Variants in STAT3 observed in about 807,000 individuals in gnomAD.
The protein encoded by STAT3 is signal transducer and activator of transcription 3, also known as DNA-binding protein APRF.
Under a neutral mutation model 114.3 loss-of-function variants are expected in STAT3, and 7 were observed. The observed-to-expected ratio is 0.06, with a 90% CI of 0.03 to 0.11. The LOEUF (loss-of-function observed/expected upper bound fraction) is 0.11, where lower values mean the gene tolerates loss of function less well. STAT3 is among the 10% of genes least tolerant of loss of function. The pLI, the probability that STAT3 is intolerant of heterozygous loss-of-function variation, is 1.00. For synonymous variants in STAT3, 331 were observed against 354.5 expected, an observed-to-expected ratio of 0.93 and a Z score of 0.74; for missense variants, 364 against 960.9, an observed-to-expected ratio of 0.38 and a Z score of 8.21.
At position 42,314,241 on chromosome 17, in the gene STAT3, A is replaced by G. The variant is rs2081172674; in HGVS notation, c.*1504T>C. The G allele has an allele frequency of 4.3e-6, 1 of 232,902 alleles. No homozygotes were observed. The highest frequency in any genetic ancestry group is 8.5e-6 in the Non-Finnish European group (1 of 117,590). 14.4% of individuals were successfully genotyped at this position (232,902 alleles called of 1,614,324 possible). ...TAAGCCTTTGCCCTGCATGAACTGA[A>G]TGAAGACGCCATTACAAGTGCCACT... On this transcript the variant is annotated 3_prime_UTR_variant, in exon 24 of 24. Coordinates refer to ENST00000264657, the MANE Select transcript of STAT3 (RefSeq NM_139276.3).
At chr17:42,323,237 T>C in intron 19 of STAT3, 23 bp downstream of exon 19, 1 of 1,614,170 alleles carries the variant, frequency 6.2e-7, no homozygotes, top group South Asian at 1.1e-5. Context: ...TGGTTACATC[T>C]GTGCACACTC....
In STAT3 at chr17:42,358,933, C is replaced by CTTTTTTTTTTT. The variant is rs35099574; in HGVS notation, c.-23-10405_-23-10395dup. Among the ~76,000 whole-genome samples, 135 of 100,490 alleles carry CTTTTTTTTTTT rather than the reference C, an allele frequency of 1.3e-3. 3 individuals carry two copies. Among genetic ancestry groups the CTTTTTTTTTTT allele is most frequent in the East Asian group, 1.7e-3 (6 of 3,450 alleles). 65.9% of individuals were successfully genotyped at this position (100,490 alleles called of 152,430 possible). A position where few individuals can be genotyped will look rare whatever the true frequency, so the allele number is the denominator to read the frequency against. The stretch of plus-strand genomic sequence containing the variant: ...GTCTCCCTTTCATGGACATTTCTTA[C>CTTTTTTTTTTT]TTTTTTTTTTTTTTTTTTTGAGATG... On this transcript the variant is annotated intron_variant, in intron 1 of 23. Transcript: ENST00000264657.
intron 4 of STAT3, among the ~76,000 whole-genome samples, chr17:42,343,073 G>A (rs2144940533): frequency 6.6e-6 from 1 of 150,568 alleles, no homozygotes; most frequent in East Asian, 2.0e-4. Flanking sequence ...TCATAAGGCT[G>A]AGGCAGGAGG....
At chr17:42,373,880 G>A (rs1454702217) in intron 1 of STAT3, among the ~76,000 whole-genome samples, 21 of 122,496 alleles carry the variant, frequency 1.7e-4, no homozygotes, top group South Asian at 2.8e-4. Context: ...GCGAGACTCC[G>A]TCTCAAAAAA....
intron 1 of STAT3, among the ~76,000 whole-genome samples, chr17:42,350,195 C>T (rs1462734605): frequency 6.6e-6 from 1 of 152,184 alleles, no homozygotes; most frequent in African/African-American, 2.4e-5. Flanking sequence ...CGCAAACATA[C>T]TAGAGTTCTT....
chr17:42,317,529 C>G (rs2144626198), intron 21 of STAT3: 2 of 485,904 alleles, frequency 4.1e-6, no homozygotes, highest in East Asian at 7.5e-5. Context: ...CCTTCTTTCC[C>G]TAGATTATGT....
In STAT3 at chr17:42,388,071, T is replaced by G. The variant is rs770488110; in HGVS notation, c.-24+208A>C. 625 of 569,978 alleles carry G rather than the reference T, an allele frequency of 1.1e-3. 1 individual carries two copies. The highest frequency in any genetic ancestry group is 1.5e-3 in the Non-Finnish European group (560 of 384,686). The allele number at this position is 569,978 out of a possible 1,614,324, so 35.3% of individuals were successfully genotyped here. On this transcript the variant is annotated intron_variant, in intron 1 of 23. Coordinates refer to ENST00000264657, the MANE Select transcript of STAT3 (RefSeq NM_139276.3). ...GTTCTGTTTCTCCGAAGAACGAAACTTCCCTCCAGCGCCCCGAGTCCCTTC... is the reference window on the plus strand; with the variant it reads ...GTTCTGTTTCTCCGAAGAACGAAACGTCCCTCCAGCGCCCCGAGTCCCTTC...
Position 42,323,367 on chromosome 17 carries a change from G to A in STAT3, c.1654-13C>T. 4 of 1,614,018 alleles carry A rather than the reference G, an allele frequency of 2.5e-6. No individual in the cohort carries two copies. The highest frequency in any genetic ancestry group is 3.4e-6 in the Non-Finnish European group (4 of 1,179,890). ...CAGCCATGTTTTCCTGGAGAAAAGA[G>A]TAATGGGAAAGCCAAGTCTACTGCC... On this transcript the variant is annotated splice_polypyrimidine_tract_variant and intron_variant, in intron 18 of 23. Transcript: ENST00000264657.
At position 42,333,370 on chromosome 17, in the gene STAT3, A is replaced by C. The variant is rs2082102505; in HGVS notation, c.1049+303T>G. 6.6e-6 allele frequency among the ~76,000 whole-genome samples: 1 copy of C among 152,118 alleles called. No homozygotes were observed. Among genetic ancestry groups the C allele is most frequent in the African/African-American group, 2.4e-5 (1 of 41,426 alleles). ...AAAATCCACAGGGAAGAGTAGCCTCAAAGAACAGAAAATAGATGACATTAT... is the reference window on the plus strand; with the variant it reads ...AAAATCCACAGGGAAGAGTAGCCTCCAAGAACAGAAAATAGATGACATTAT... On this transcript the variant is annotated intron_variant, in intron 10 of 23. Transcript: ENST00000264657. The surrounding 1 kb of genome is among the most constrained non-coding windows in gnomAD (Gnocchi z 5.2).
Position 42,323,640 on chromosome 17 carries a change from A to G in STAT3, c.1601-15T>C. 6.2e-7 allele frequency: 1 copy of G among 1,613,854 alleles called. No individual in the cohort carries two copies. The highest frequency in any genetic ancestry group is 8.5e-7 in the Non-Finnish European group (1 of 1,179,732). ...CACACCAGGTCCTGAAGGAAAGAAA[A>G]AGAGTCAAGTAGTACATTTTCAGCT... On this transcript the variant is annotated splice_polypyrimidine_tract_variant and intron_variant, in intron 17 of 23. Coordinates refer to ENST00000264657, the MANE Select transcript of STAT3 (RefSeq NM_139276.3).
chr17:42,314,372 C>G lies in STAT3; in HGVS notation c.*1373G>C, dbSNP rs2081177487. ...ATGTCCAACCTGTAACTCTCTCCCC[C>G]TCTTCTTCCATGAGGTCCTGAGACC... On this transcript the variant is annotated 3_prime_UTR_variant, in exon 24 of 24. Transcript: ENST00000264657. 1 of 232,094 alleles carries G rather than the reference C, an allele frequency of 4.3e-6. No homozygotes were observed. Among genetic ancestry groups the G allele is most frequent in the East Asian group, 6.1e-5 (1 of 16,414 alleles). The allele number at this position is 232,094 out of a possible 1,614,324, so 14.4% of individuals were successfully genotyped here. A position where few individuals can be genotyped will look rare whatever the true frequency, so the allele number is the denominator to read the frequency against.
At chr17:42,384,359 T>C (rs1364077042) in intron 1 of STAT3, among the ~76,000 whole-genome samples, 2 of 152,060 alleles carry the variant, frequency 1.3e-5, no homozygotes, top group Admixed American at 1.3e-4. Flanking sequence ...CTCGATCTCC[T>C]GGCCTCGTGA....
rs536847639 is a variant in STAT3 at position 42,337,127 on chromosome 17, G to A, written c.797+308C>T. Reference sequence around the variant, plus strand: ...CCAGAGTAGCTGGGACTACAGGTGCGCACCACCACGCCCGGCTAATTTTTT... The same window carrying A: ...CCAGAGTAGCTGGGACTACAGGTGCACACCACCACGCCCGGCTAATTTTTT... On this transcript the variant is annotated intron_variant, in intron 8 of 23. Coordinates refer to ENST00000264657, the MANE Select transcript of STAT3 (RefSeq NM_139276.3). This position sits in a 1 kb window ranked among gnomAD's most constrained non-coding sequence, Gnocchi z 4.0. Among the ~76,000 whole-genome samples the A allele has an allele frequency of 3.3e-5, 5 of 151,966 alleles. No individual in the cohort carries two copies. The highest frequency in any genetic ancestry group is 1.9e-4 in the East Asian group (1 of 5,164).
intron 1 of STAT3, among the ~76,000 whole-genome samples, chr17:42,349,009 GCA>G (rs2082820986): frequency 6.6e-6 from 1 of 151,992 alleles, no homozygotes; most frequent in East Asian, 1.9e-4. Context: ...GGGACTATAG[GCA>G]CACAACACCA....
chr17:42,373,257 G>A (rs1444880468), intron 1 of STAT3, among the ~76,000 whole-genome samples: 1 of 152,158 alleles, frequency 6.6e-6, no homozygotes, highest in Non-Finnish European at 1.5e-5. Flanking sequence ...GGCTGAGGCA[G>A]GAGAATCACT....
At chr17:42,334,539 A>G (rs17878930) in intron 8 of STAT3, among the ~76,000 whole-genome samples, 17,415 of 149,486 alleles carry the variant, frequency 0.12, 3,417 homozygotes, top group African/African-American at 0.41. Context: ...CCGCCTCCCA[A>G]GTTCAAGTGA....
chr17:42,325,516 C>T (rs751459724), intron 15 of STAT3, among the ~76,000 whole-genome samples: 5 of 152,082 alleles, frequency 3.3e-5, no homozygotes, highest in Non-Finnish European at 7.3e-5. Flanking sequence ...ATACTAAACA[C>T]ACTGGCTGCT....
At chr17:42,342,851 G>A (rs2082503144) in intron 4 of STAT3, among the ~76,000 whole-genome samples, 1 of 151,962 alleles carries the variant, frequency 6.6e-6, no homozygotes, top group South Asian at 2.1e-4. Flanking sequence ...CCAATCAGAT[G>A]CTGAACTTTC....
At chr17:42,388,088 A>C (rs1337995167) in intron 1 of STAT3, 191 bp downstream of exon 1, 1 of 648,184 alleles carries the variant, frequency 1.5e-6, no homozygotes, top group African/African-American at 1.9e-5. Context: ...CAGCGCCCCG[A>C]GTCCCTTCCG....
Sources: allele counts gnomAD v4.1 joint callset (sites outside exome capture counted in the v4.1 genomes callset), GRCh38; gene constraint gnomAD v4.1.1; non-coding constraint Gnocchi (gnomAD v3.1); transcripts MANE v1.5; gene names NCBI Gene and HGNC (gene_info 2026-07-23, HGNC 2026-07-21).